Variants in RARB observed in about 807,000 individuals in gnomAD.
RARB encodes the protein HBV-activated protein.
In RARB, 17 loss-of-function variants were observed where a neutral mutation model predicts 51.9. The ratio of observed to expected loss-of-function variants is 0.33; its 90% CI spans 0.22 to 0.49. The LOEUF (loss-of-function observed/expected upper bound fraction) is 0.49, where lower values mean the gene tolerates loss of function less well. Among genes scored for constraint, RARB ranks in the 20% least tolerant of loss-of-function variants. The pLI, the probability that RARB is intolerant of heterozygous loss-of-function variation, is 0.99. For synonymous variants in RARB, 215 were observed against 195.4 expected, an observed-to-expected ratio of 1.10 and a Z score of -0.84; for missense variants, 369 against 550.8, an observed-to-expected ratio of 0.67 and a Z score of 3.30.
intron 3 of RARB, among the ~76,000 whole-genome samples, chr3:25,522,739 G>T (rs1698454822): frequency 1.3e-5 from 2 of 152,242 alleles, no homozygotes; most frequent in East Asian, 3.9e-4. Context: ...GGGGAGGTCT[G>T]CGGGTCCTCT....
chr3:25,236,507 T>A (rs1419436374), intron 5 of RARB, among the ~76,000 whole-genome samples: 1 of 152,018 alleles, frequency 6.6e-6, no homozygotes, highest in Non-Finnish European at 1.5e-5. Context: ...AATAAAGTTA[T>A]CTTACTAGTA....
intron 2 of RARB, among the ~76,000 whole-genome samples, chr3:24,985,016 G>C (rs1696757510): frequency 6.6e-6 from 1 of 152,148 alleles, no homozygotes; most frequent in Non-Finnish European, 1.5e-5. Flanking sequence ...AGAATTCAAA[G>C]AGTTCATCGG....
At chr3:25,420,038 A>G (rs1707815290) in intron 5 of RARB, among the ~76,000 whole-genome samples, 1 of 151,756 alleles carries the variant, frequency 6.6e-6, no homozygotes, top group African/African-American at 2.4e-5. Context: ...GAAAGAAGAG[A>G]GAAAAACTAT....
chr3:25,240,961 C>A (rs1010664138), intron 5 of RARB, among the ~76,000 whole-genome samples: 6 of 152,168 alleles, frequency 3.9e-5, no homozygotes, highest in African/African-American at 1.4e-4. Flanking sequence ...TGGCCCTAGG[C>A]TTTTCTTTAT....
chr3:25,436,539 C>T (rs1191712086), intron 1 of RARB, among the ~76,000 whole-genome samples: 1 of 152,110 alleles, frequency 6.6e-6, no homozygotes, highest in Non-Finnish European at 1.5e-5. Context: ...TTCACTGGGG[C>T]CCTCCTTATC....
chr3:25,355,578 C>T (rs1443033343), intron 5 of RARB, among the ~76,000 whole-genome samples: 1 of 151,744 alleles, frequency 6.6e-6, no homozygotes, highest in Non-Finnish European at 1.5e-5. Flanking sequence ...CTGATTTAAC[C>T]TTTTAAAAAA....
At chr3:25,283,540 C>T (rs1052376081) in intron 5 of RARB, among the ~76,000 whole-genome samples, 3 of 152,176 alleles carry the variant, frequency 2.0e-5, no homozygotes, top group Non-Finnish European at 2.9e-5. Context: ...ATACCTGACA[C>T]CTTAGAGGTG....
chr3:25,211,449 A>T (rs1022625706), intron 5 of RARB, among the ~76,000 whole-genome samples: 1 of 152,206 alleles, frequency 6.6e-6, no homozygotes, highest in Non-Finnish European at 1.5e-5. Flanking sequence ...AGAATATAGT[A>T]TGTTTTGCAA....
At chr3:24,941,455 C>T (rs753245628) in intron 2 of RARB, among the ~76,000 whole-genome samples, 2 of 151,902 alleles carry the variant, frequency 1.3e-5, no homozygotes, top group African/African-American at 2.4e-5. Flanking sequence ...CTGCAACCTC[C>T]GCCTCCCTGG....
At chr3:24,844,992 C>T (rs534243066) in intron 1 of RARB, among the ~76,000 whole-genome samples, 7 of 152,196 alleles carry the variant, frequency 4.6e-5, no homozygotes, top group Non-Finnish European at 7.3e-5. Flanking sequence ...TGCTGCAAAA[C>T]ATTTCTTCTT....
chr3:25,574,807 G>A (rs974779468), intron 4 of RARB, among the ~76,000 whole-genome samples: 3 of 152,124 alleles, frequency 2.0e-5, no homozygotes, highest in African/African-American at 7.2e-5. Flanking sequence ...GACTCGGTGC[G>A]CTTTTTGGAA....
In RARB at chr3:25,358,892, T is replaced by C. The variant is rs148477176; in HGVS notation, c.179-102301T>C. Among the ~76,000 whole-genome samples, 189 of 152,274 alleles carry C rather than the reference T, an allele frequency of 1.2e-3. 2 individuals are homozygous for C. Among genetic ancestry groups the C allele is most frequent in the African/African-American group, 4.1e-3 (172 of 41,558 alleles). On this transcript the variant is annotated intron_variant, in intron 5 of 11. Transcript: ENST00000383772. Reference sequence around the variant, plus strand: ...TGGATTCAGTTTGCCAGTATTTTATTGAGGATTTTCGCATTGATGTTCATC... The same window carrying C: ...TGGATTCAGTTTGCCAGTATTTTATCGAGGATTTTCGCATTGATGTTCATC...
chr3:25,123,398 A>C (rs1699814084), intron 3 of RARB, among the ~76,000 whole-genome samples: 2 of 152,082 alleles, frequency 1.3e-5, no homozygotes, highest in Admixed American at 6.6e-5. Context: ...CTTCTCCTCT[A>C]TTTGTGCCCA....
At chr3:25,412,665 A>G (rs986733776) in intron 5 of RARB, among the ~76,000 whole-genome samples, 2 of 152,234 alleles carry the variant, frequency 1.3e-5, no homozygotes, top group African/African-American at 4.8e-5. Flanking sequence ...TCATAAATGT[A>G]TACAGCTTAG....
intron 5 of RARB, among the ~76,000 whole-genome samples, chr3:25,321,512 G>A (rs1704567928): frequency 6.6e-6 from 1 of 152,018 alleles, no homozygotes; most frequent in African/African-American, 2.4e-5. Flanking sequence ...GAGGTTAGGT[G>A]TTCGAGACCA....
chr3:25,571,732 C>T (rs1298215), intron 4 of RARB, among the ~76,000 whole-genome samples: 22,285 of 152,240 alleles, frequency 0.15, 1,761 homozygotes, highest in Non-Finnish European at 0.18. Flanking sequence ...AATTACCTAA[C>T]GTCTCTCAGC....
chr3:25,377,187 G>A (rs1031130319), intron 5 of RARB, among the ~76,000 whole-genome samples: 1 of 152,094 alleles, frequency 6.6e-6, no homozygotes, highest in African/African-American at 2.4e-5. Context: ...CAGACATGCC[G>A]CATGCTGTTA....
intron 2 of RARB, among the ~76,000 whole-genome samples, chr3:25,025,338 G>A (rs1039994836): frequency 2.0e-5 from 3 of 152,164 alleles, no homozygotes; most frequent in Non-Finnish European, 2.9e-5. Context: ...GTATCTTGGA[G>A]CCCTTCTCCT....
chr3:25,109,759 C>T (rs1270956233), intron 3 of RARB, among the ~76,000 whole-genome samples: 1 of 152,140 alleles, frequency 6.6e-6, no homozygotes, highest in African/African-American at 2.4e-5. Context: ...CATGCTTCTT[C>T]ATTCAGGCAG....
Sources: gnomAD v4.1 joint callset for allele counts (sites outside exome capture counted in the v4.1 genomes callset) on GRCh38, gnomAD v4.1.1 for gene constraint, MANE v1.5 for transcripts, NCBI Gene and HGNC (gene_info 2026-07-23, HGNC 2026-07-21) for gene names.